The following SIAH2 variants were observed in gnomAD, a reference collection of about 807,000 sequenced individuals.
The protein encoded by SIAH2 is E3 ubiquitin-protein ligase SIAH2.
SIAH2 carries 4 observed loss-of-function variants against 20.4 expected under a neutral mutation model. The ratio of observed to expected loss-of-function variants is 0.20; its 90% CI spans 0.10 to 0.45. The LOEUF (loss-of-function observed/expected upper bound fraction) is 0.45, where lower values mean the gene tolerates loss of function less well. SIAH2 is among the 20% of genes least tolerant of loss of function. The pLI, the probability that SIAH2 is intolerant of heterozygous loss-of-function variation, is 0.99. For missense variants in SIAH2, 259 were observed against 440.3 expected, an observed-to-expected ratio of 0.59 and a Z score of 3.69; for synonymous variants, 171 against 192.5, an observed-to-expected ratio of 0.89 and a Z score of 0.93.
intron 1 of SIAH2, among the ~76,000 whole-genome samples, chr3:150,759,068 G>A (rs1364696865): frequency 6.6e-6 from 1 of 151,488 alleles, no homozygotes; most frequent in Admixed American, 6.6e-5. Context: ...TTTTAGTAGA[G>A]ACAGGGTTTC....
intron 1 of SIAH2, among the ~76,000 whole-genome samples, chr3:150,760,132 G>C (rs1015658673): frequency 6.6e-6 from 1 of 152,146 alleles, no homozygotes; most frequent in African/African-American, 2.4e-5. Flanking sequence ...ACACATCTTG[G>C]TTGGTCGCTG....
At chr3:150,755,840 C>CAT (rs1714476344) in intron 1 of SIAH2, among the ~76,000 whole-genome samples, 1 of 151,786 alleles carries the variant, frequency 6.6e-6, no homozygotes, top group East Asian at 1.9e-4. Context: ...TTAGTAGAGA[C>CAT]GGGGTTTCAC....
At chr3:150,743,073 T>C (rs1175161847) in intron 1 of SIAH2, among the ~76,000 whole-genome samples, 1 of 152,196 alleles carries the variant, frequency 6.6e-6, no homozygotes, top group Non-Finnish European at 1.5e-5. Flanking sequence ...ATTGCTTGGG[T>C]GGTGGGGATG....
rs1714098128 is a variant in SIAH2, at chr3:150,742,037, T to C, written c.*104A>G. On this transcript the variant is annotated 3_prime_UTR_variant, in exon 2 of 2. Transcript: ENST00000312960. The surrounding 1 kb of genome is among the most constrained non-coding windows in gnomAD (Gnocchi z 4.8). ...TGTTCAAACAAAACACGGGTAATTGTGGGTCCTGACTTGTGAAGACATATG... is the reference window on the plus strand; with the variant it reads ...TGTTCAAACAAAACACGGGTAATTGCGGGTCCTGACTTGTGAAGACATATG... 6 of 1,121,412 alleles carry C rather than the reference T, an allele frequency of 5.4e-6. No homozygotes were observed. Among genetic ancestry groups the C allele is most frequent in the East Asian group, 2.5e-5 (1 of 39,328 alleles). 69.5% of individuals were successfully genotyped at this position (1,121,412 alleles called of 1,614,324 possible). A position where few individuals can be genotyped will look rare whatever the true frequency, so the allele number is the denominator to read the frequency against.
chr3:150,762,407 G>A lies in SIAH2; in HGVS notation c.417+26C>T, dbSNP rs767552421. ...CGGAGTCCCTGAGGTCACCGGCGGA[G>A]GTACGTGGGCTGTCCCTGGGCTTAC... On this transcript the variant is annotated intron_variant, in intron 1 of 1. Transcript: ENST00000312960. The surrounding 1 kb of genome is among the most constrained non-coding windows in gnomAD (Gnocchi z 6.6). 1.8e-5 allele frequency: 28 copies of A among 1,592,764 alleles called. No homozygotes were observed. Among genetic ancestry groups the A allele is most frequent in the African/African-American group, 2.7e-5 (2 of 74,002 alleles).
In SIAH2 at chr3:150,762,955, G is replaced by T; in HGVS notation, c.-106C>A. 6 of 1,097,592 alleles carry T rather than the reference G, an allele frequency of 5.5e-6. No homozygotes were observed. The highest frequency in any genetic ancestry group is 6.7e-6 in the Non-Finnish European group (6 of 895,946). 68.0% of individuals were successfully genotyped at this position (1,097,592 alleles called of 1,614,324 possible). A position where few individuals can be genotyped will look rare whatever the true frequency, so the allele number is the denominator to read the frequency against. On this transcript the variant is annotated 5_prime_UTR_variant, in exon 1 of 2. Transcript: ENST00000312960. The surrounding 1 kb of genome is among the most constrained non-coding windows in gnomAD (Gnocchi z 6.6). ...GCAGCGAGCTCCGAGGCAACGCCAC[G>T]GCGCCCAGCCCAGGTCCGGGCGGCG...
At position 150,762,404 on chromosome 3, in the gene SIAH2, G is replaced by T. The variant is rs751003792; in HGVS notation, c.417+29C>A. ...TACCGGAGTCCCTGAGGTCACCGGC[G>T]GAGGTACGTGGGCTGTCCCTGGGCT... On this transcript the variant is annotated intron_variant, in intron 1 of 1. Coordinates refer to ENST00000312960, the MANE Select transcript of SIAH2 (RefSeq NM_005067.7). This position sits in a 1 kb window ranked among gnomAD's most constrained non-coding sequence, Gnocchi z 6.6. The T allele has an allele frequency of 3.8e-6, 6 of 1,590,872 alleles. No homozygotes were observed. In the African/African-American group the frequency reaches 8.1e-5, roughly 22 times the overall value.
At chr3:150,756,872 G>A (rs1304032985) in intron 1 of SIAH2, among the ~76,000 whole-genome samples, 1 of 152,210 alleles carries the variant, frequency 6.6e-6, no homozygotes, top group East Asian at 1.9e-4. Context: ...CCTTGCCCAT[G>A]TCAGGCAGTA....
At chr3:150,745,685 C>CGG (rs368313070) in intron 1 of SIAH2, among the ~76,000 whole-genome samples, 2 of 151,984 alleles carry the variant, frequency 1.3e-5, no homozygotes, top group African/African-American at 4.8e-5. Context: ...TTAGTAGAGA[C>CGG]GGGGTCTCAC....
At chr3:150,759,219 G>A (rs866987373) in intron 1 of SIAH2, among the ~76,000 whole-genome samples, 5 of 152,124 alleles carry the variant, frequency 3.3e-5, no homozygotes, top group Admixed American at 2.0e-4. Context: ...CCATATCAAA[G>A]GTGCTGGCAA....
intron 1 of SIAH2, among the ~76,000 whole-genome samples, chr3:150,752,589 A>T (rs1714395521): frequency 6.6e-6 from 1 of 152,160 alleles, no homozygotes; most frequent in South Asian, 2.1e-4. Flanking sequence ...AGCCTGGGCG[A>T]CAGAGCGAGA....
At chr3:150,751,209 A>T (rs1714351830) in intron 1 of SIAH2, among the ~76,000 whole-genome samples, 1 of 152,100 alleles carries the variant, frequency 6.6e-6, no homozygotes, top group Non-Finnish European at 1.5e-5. Flanking sequence ...AGGCAGGCGG[A>T]TTCCCTGAGC....
At chr3:150,756,117 A>G (rs1460967741) in intron 1 of SIAH2, among the ~76,000 whole-genome samples, 1 of 152,260 alleles carries the variant, frequency 6.6e-6, no homozygotes, top group African/African-American at 2.4e-5. Context: ...AGCTGATGAA[A>G]TTCTGTAGAG....
At chr3:150,755,565 G>A (rs765341410) in intron 1 of SIAH2, among the ~76,000 whole-genome samples, 16 of 151,820 alleles carry the variant, frequency 1.1e-4, no homozygotes, top group Non-Finnish European at 1.6e-4. Flanking sequence ...GCCCAGGCTG[G>A]AGTGCAATGG....
intron 1 of SIAH2, among the ~76,000 whole-genome samples, chr3:150,746,713 G>A (rs1714222360): frequency 6.6e-6 from 1 of 152,204 alleles, no homozygotes; most frequent in African/African-American, 2.4e-5. Context: ...ACTCTGATAA[G>A]AACTACTCAT....
At position 150,762,739 on chromosome 3, in the gene SIAH2, G is replaced by A. The variant is rs1378173129; in HGVS notation, c.111C>T (p.Thr37=). The A allele has an allele frequency of 2.6e-6, 3 of 1,176,046 alleles. No individual in the cohort carries two copies. The highest frequency in any genetic ancestry group is 3.2e-6 in the Non-Finnish European group (3 of 946,030). The allele number at this position is 1,176,046 out of a possible 1,614,324, so 72.9% of individuals were successfully genotyped here. A position where few individuals can be genotyped will look rare whatever the true frequency, so the allele number is the denominator to read the frequency against. The change falls in exon 1 of 2, where the codon ACC becomes ACT. Residue 37 remains threonine (T), a synonymous_variant. Coordinates refer to ENST00000312960, the MANE Select transcript of SIAH2 (RefSeq NM_005067.7). This position sits in a 1 kb window ranked among gnomAD's most constrained non-coding sequence, Gnocchi z 6.6. ...PSPAAPPAAA[T]ISAAGPGSSA... ...ACGAGCCGGGGCCCGCAGCCGAGAT[G>A]GTGGCGGCGGCCGGGGGCGCAGCCG... is the stretch of plus-strand genomic sequence containing the variant.
intron 1 of SIAH2, among the ~76,000 whole-genome samples, chr3:150,754,072 G>A (rs1017534449): frequency 2.6e-5 from 4 of 152,184 alleles, no homozygotes; most frequent in Non-Finnish European, 5.9e-5. Flanking sequence ...AAGCAGTCAC[G>A]ATGTGTTAGA....
chr3:150,745,595 A>G (rs1714194842), intron 1 of SIAH2, among the ~76,000 whole-genome samples: 1 of 151,676 alleles, frequency 6.6e-6, no homozygotes, highest in African/African-American at 2.4e-5. Flanking sequence ...TCCCGGGTTC[A>G]TGCCATTCTC....
At chr3:150,761,741 C>T (rs1559939131) in intron 1 of SIAH2, among the ~76,000 whole-genome samples, 4 of 152,104 alleles carry the variant, frequency 2.6e-5, no homozygotes, top group African/African-American at 7.2e-5. Context: ...AAGTGATGAG[C>T]TTTAAACAAC....
Sources: gnomAD v4.1 joint callset for allele counts (sites outside exome capture counted in the v4.1 genomes callset) on GRCh38, gnomAD v4.1.1 for gene constraint, Gnocchi (gnomAD v3.1) non-coding constraint, MANE v1.5 for transcripts, NCBI Gene and HGNC (gene_info 2026-07-23, HGNC 2026-07-21) for gene names.